The following RYR3 variants were observed in gnomAD, a reference collection of about 807,000 sequenced individuals.
The protein encoded by RYR3 is ryanodine receptor 3, also known as brain ryanodine receptor-calcium release channel.
RYR3 carries 207 observed loss-of-function variants against 584.3 expected under a neutral mutation model. The observed-to-expected ratio is 0.35, with a 90% confidence interval of 0.32 to 0.40. The LOEUF (loss-of-function observed/expected upper bound fraction) is 0.40. RYR3 is among the 10% of genes least tolerant of loss of function. The probability of loss-of-function intolerance (pLI) is 1.00; values close to 1 mark genes in which losing one functional copy is unlikely to be tolerated. For missense variants in RYR3, 5,616 were observed against 6,089.2 expected, an observed-to-expected ratio of 0.92 and a Z score of 2.59; for synonymous variants, 2,416 against 2,248.5, an observed-to-expected ratio of 1.07 and a Z score of -2.11.
intron 1 of RYR3, among the ~76,000 whole-genome samples, chr15:33,342,050 G>T (rs962844406): frequency 6.6e-6 from 1 of 152,180 alleles, no homozygotes; most frequent in Non-Finnish European, 1.5e-5. Flanking sequence ...AGAAACGAAT[G>T]ATGCAGCAAG....
Position 33,862,712 on chromosome 15 carries a change from G to A in RYR3, c.14466-1426G>A, listed in dbSNP as rs546231714. Among the ~76,000 whole-genome samples, 23 of 152,072 alleles carry A rather than the reference G, an allele frequency of 1.5e-4. 2 individuals carry two copies. The South Asian group carries it at 3.7e-3, about 25-fold the overall frequency. ...TGTAGCCTCCACCTCCTGGATTCAA[G>A]TGATTCTCCTGCCTCAGCCTCCTGA... is the stretch of plus-strand genomic sequence containing the variant. On this transcript the variant is annotated intron_variant, in intron 102 of 103. Coordinates refer to ENST00000634891, the MANE Select transcript of RYR3 (RefSeq NM_001036.6).
chr15:33,724,163 C>T lies in RYR3; in HGVS notation c.6899C>T (p.Ala2300Val). The T allele has an allele frequency of 6.3e-7, 1 of 1,597,912 alleles. No homozygotes were observed. The highest frequency in any genetic ancestry group is 8.6e-7 in the Non-Finnish European group (1 of 1,166,246). The change falls in exon 45 of 104, where the codon GCT (alanine) becomes GTT (valine). Residue 2300 changes from alanine (A) to valine (V), a missense_variant. Ala to Val is a moderately conservative substitution (Grantham distance 64). This residue lies in a region of RYR3 where 1,280 missense variants were observed against 1,426.2 expected (regional missense o/e 0.90). Transcript: ENST00000634891. The part of the protein sequence containing the change: ...SALIDLLGRC[A>V]PEMHLIQTGK... ...CTTATAGATCTACTGGGCCGCTGTG[C>T]TCCTGAAATGCACGTAAGTGATACA...
chr15:33,375,956 C>T (rs1434635797), intron 1 of RYR3, among the ~76,000 whole-genome samples: 1 of 152,016 alleles, frequency 6.6e-6, no homozygotes, highest in African/African-American at 2.4e-5. Context: ...TGCAGCTACT[C>T]GGGAGGCTGA....
chr15:33,468,025 T>C (rs1162739700), intron 1 of RYR3, among the ~76,000 whole-genome samples: 2 of 152,112 alleles, frequency 1.3e-5, no homozygotes, highest in African/African-American at 4.8e-5. Context: ...CTAAGGTCAG[T>C]CTCTTAGAGT....
chr15:33,437,465 A>C (rs2045837486), intron 1 of RYR3, among the ~76,000 whole-genome samples: 1 of 152,256 alleles, frequency 6.6e-6, no homozygotes, highest in African/African-American at 2.4e-5. Context: ...TTTTTCAGGA[A>C]GGGAAAATCT....
chr15:33,809,075 T>C (rs2076367716), intron 70 of RYR3, among the ~76,000 whole-genome samples: 1 of 152,198 alleles, frequency 6.6e-6, no homozygotes, highest in South Asian at 2.1e-4. Context: ...ATGAAACTCT[T>C]TCGCCTTTTG....
chr15:33,563,504 T>A (rs549985043), intron 11 of RYR3, among the ~76,000 whole-genome samples: 1 of 152,314 alleles, frequency 6.6e-6, no homozygotes, highest in South Asian at 2.1e-4. Context: ...GAGTGGTGCA[T>A]CACAGCCTGC....
intron 1 of RYR3, among the ~76,000 whole-genome samples, chr15:33,432,591 T>C (rs1567224038): frequency 6.6e-6 from 1 of 150,876 alleles, no homozygotes; most frequent in African/African-American, 2.5e-5. Flanking sequence ...GTGAAGATTT[T>C]TCTTTTTTTC....
Position 33,812,867 on chromosome 15 carries a change from A to T in RYR3, c.10262A>T (p.Asp3421Val). 6.2e-7 allele frequency: 1 copy of T among 1,613,796 alleles called. No individual in the cohort carries two copies. The highest frequency in any genetic ancestry group is 1.3e-5 in the African/African-American group (1 of 75,056). Residue 3421 changes from aspartate to valine, a missense_variant, in exon 73 of 104, where the codon GAT becomes GTT. Transcript: ENST00000634891. ...TGAGTATGCTTCAATTTTCAGTCTG[A>T]TGACCCAGCTGTAAAATGGCAACTG... ...RNNLHLQEKS[D>V]DPAVKWQLNL... is the part of the protein sequence containing the mutation.
In RYR3 at chr15:33,562,839, A is replaced by G. The variant is rs1201229991; in HGVS notation, c.975A>G (p.Glu325=). 12 of 1,610,034 alleles carry G rather than the reference A, an allele frequency of 7.5e-6. No homozygotes were observed. Among genetic ancestry groups the G allele is most frequent in the Non-Finnish European group, 9.3e-6 (11 of 1,176,870 alleles). ...STAFSFRASK[E]LKEKLDSSHK... ...GTTTCTTTTTGTGTATGAATTAGGA[A>G]CTCAAGGAGAAATTAGACTCCAGTC... The change falls in exon 11 of 104, where the codon GAA becomes GAG. Residue 325 remains glutamate, a splice_region_variant and synonymous_variant. Coordinates refer to ENST00000634891, the MANE Select transcript of RYR3 (RefSeq NM_001036.6).
At chr15:33,401,362 G>A (rs985856719) in intron 1 of RYR3, among the ~76,000 whole-genome samples, 1 of 152,158 alleles carries the variant, frequency 6.6e-6, no homozygotes, top group Non-Finnish European at 1.5e-5. Context: ...TAACCTTGTT[G>A]TCTCAGGCGT....
At chr15:33,482,984 A>G (rs1015786515) in intron 2 of RYR3, among the ~76,000 whole-genome samples, 4 of 152,020 alleles carry the variant, frequency 2.6e-5, no homozygotes, top group East Asian at 1.9e-4. Context: ...TTTTTTATCT[A>G]TGCATCTGCC....
Position 33,854,339 on chromosome 15 carries a change from T to G in RYR3, c.13800-50T>G, listed in dbSNP as rs73372097. The G allele has an allele frequency of 0.022, 32,163 of 1,486,830 alleles. 2,808 individuals are homozygous for G. The African/African-American group carries it at 0.23, about 11-fold the overall frequency. 92.1% of individuals were successfully genotyped at this position (1,486,830 alleles called of 1,614,324 possible). A position where few individuals can be genotyped will look rare whatever the true frequency, so the allele number is the denominator to read the frequency against. On this transcript the variant is annotated intron_variant, in intron 96 of 103. Coordinates refer to ENST00000634891, the MANE Select transcript of RYR3 (RefSeq NM_001036.6). ...TACTTTTTCCCCCTTATTGAGCACT[T>G]AACTACCTCTTGACATTTATAAGTT...
At chr15:33,616,072 A>G (rs2060433003) in intron 19 of RYR3, among the ~76,000 whole-genome samples, 1 of 152,148 alleles carries the variant, frequency 6.6e-6, no homozygotes, top group Non-Finnish European at 1.5e-5. Context: ...ACCCACCATT[A>G]ATACTGCTCC....
At chr15:33,470,808 C>T (rs556532432) in intron 1 of RYR3, among the ~76,000 whole-genome samples, 1 of 152,226 alleles carries the variant, frequency 6.6e-6, no homozygotes, top group African/African-American at 2.4e-5. Context: ...AAAGGAGATA[C>T]AAAATGTGGA....
Position 33,662,648 on chromosome 15 carries a change from C to A in RYR3, c.5118C>A (p.Ser1706Arg). ...TGCTGACAGAGGCAGTGCAGTGCAG[C>A]GGGGCCCACATCCGAGACCCTGTAG... ...LSMLTEAVQC[S>R]GAHIRDPVGG... Residue 1706 changes from serine (S) to arginine (R), a missense_variant, in exon 35 of 104, where the codon AGC becomes AGA. Coordinates refer to ENST00000634891, the MANE Select transcript of RYR3 (RefSeq NM_001036.6). 1 of 1,614,004 alleles carries A rather than the reference C, an allele frequency of 6.2e-7. No homozygotes were observed. The highest frequency in any genetic ancestry group is 8.5e-7 in the Non-Finnish European group (1 of 1,179,918).
chr15:33,709,673 G>A (rs1307861197), intron 43 of RYR3, among the ~76,000 whole-genome samples: 1 of 152,194 alleles, frequency 6.6e-6, no homozygotes, highest in Non-Finnish European at 1.5e-5. Context: ...GCAGTGAGAA[G>A]GCCCTTAACA....
At chr15:33,342,177 G>A (rs1041829375) in intron 1 of RYR3, among the ~76,000 whole-genome samples, 2 of 152,222 alleles carry the variant, frequency 1.3e-5, no homozygotes, top group Non-Finnish European at 2.9e-5. Flanking sequence ...TAGGAAGGTG[G>A]CAGATGTCAC....
chr15:33,606,156 T>C (rs1263625662), intron 18 of RYR3, among the ~76,000 whole-genome samples: 1 of 152,214 alleles, frequency 6.6e-6, no homozygotes, highest in African/African-American at 2.4e-5. Flanking sequence ...TGCCACTTAA[T>C]GTTTCTTTTT....
Sources: allele counts gnomAD v4.1 joint callset (sites outside exome capture counted in the v4.1 genomes callset), GRCh38; gene constraint gnomAD v4.1.1; regional missense constraint gnomAD v4.1.1; transcripts MANE v1.5; gene names NCBI Gene and HGNC (gene_info 2026-07-23, HGNC 2026-07-21).